MACROD2: variants seen among roughly 807,000 people sequenced by gnomAD.
MACROD2 encodes ADP-ribose glycohydrolase MACROD2.
MACROD2 carries 36 observed loss-of-function variants against 70.4 expected under a neutral mutation model. The observed-to-expected ratio is 0.51, with a 90% CI of 0.39 to 0.68. The LOEUF (loss-of-function observed/expected upper bound fraction) is 0.68. MACROD2 is among the 30% of genes least tolerant of loss of function. The pLI, the probability that MACROD2 is intolerant of heterozygous loss-of-function variation, is 0.00. For missense variants in MACROD2, 496 were observed against 538.4 expected (o/e 0.92, Z 0.78); for synonymous variants, 172 against 178.8 (o/e 0.96, Z 0.30).
intron 5 of MACROD2, among the ~76,000 whole-genome samples, chr20:14,715,842 C>G (rs974118301): frequency 1.3e-5 from 2 of 152,188 alleles, no homozygotes; most frequent in African/African-American, 4.8e-5. Flanking sequence ...AAAGACAATA[C>G]AGCTCCAACT....
rs1012759827 is a variant in MACROD2 at position 14,501,050 on chromosome 20, A to G, written c.301+7542A>G. The stretch of plus-strand genomic sequence containing the variant: ...GATTTCTAAATGAAAAAAAAAAACA[A>G]AAACCCAAACTTCAGAAATGCTTTT... On this transcript the variant is annotated intron_variant, in intron 4 of 17. Transcript: ENST00000684519. 3.3e-5 allele frequency among the ~76,000 whole-genome samples: 5 copies of G among 152,090 alleles called. No individual in the cohort carries two copies. The South Asian group carries it at 6.2e-4, about 19-fold the overall frequency.
chr20:14,293,567 G>A (rs2082403084), intron 3 of MACROD2, among the ~76,000 whole-genome samples: 1 of 151,834 alleles, frequency 6.6e-6, no homozygotes, highest in South Asian at 2.1e-4. Flanking sequence ...GTTGCTAGAT[G>A]TGCGGGCTGG....
intron 9 of MACROD2, among the ~76,000 whole-genome samples, chr20:15,867,644 TAAAAA>T (rs1383332661): frequency 6.6e-6 from 1 of 152,060 alleles, no homozygotes; most frequent in African/African-American, 2.4e-5. Flanking sequence ...CGTAAAAAAT[TAAAAA>T]AAGAAAAGAA....
In MACROD2 at chr20:14,769,475, A is replaced by G. The variant is rs143273849; in HGVS notation, c.418+84516A>G. Among the ~76,000 whole-genome samples, 57 of 152,160 alleles carry G rather than the reference A, an allele frequency of 3.7e-4. 1 individual carries two copies. Among genetic ancestry groups the G allele is most frequent in the Admixed American group, 1.6e-3 (25 of 15,284 alleles). On this transcript the variant is annotated intron_variant, in intron 5 of 17. Coordinates refer to ENST00000684519, the MANE Select transcript of MACROD2 (RefSeq NM_001351661.2). ...TGAGGGGGATGAATTATTTATACAA[A>G]TTTCTCCCTTTAAACCAGAACAATG...
At chr20:14,313,235 G>T (rs1177445313) in intron 3 of MACROD2, among the ~76,000 whole-genome samples, 8 of 152,270 alleles carry the variant, frequency 5.3e-5, no homozygotes, top group African/African-American at 1.7e-4. Context: ...ATCATTAAAG[G>T]ATAGTATAGT....
chr20:14,681,527 T>C (rs2070932436), intron 4 of MACROD2, among the ~76,000 whole-genome samples: 1 of 152,158 alleles, frequency 6.6e-6, no homozygotes. Context: ...TTTGAAGTTA[T>C]ATAGCAGGTA....
chr20:14,384,395 C>T (rs906297066), intron 3 of MACROD2, among the ~76,000 whole-genome samples: 7 of 152,024 alleles, frequency 4.6e-5, no homozygotes, highest in African/African-American at 1.7e-4. Flanking sequence ...ATATTTGGCA[C>T]CAGACATAAT....
chr20:15,817,897 G>T (rs926508603), intron 8 of MACROD2, among the ~76,000 whole-genome samples: 2 of 152,152 alleles, frequency 1.3e-5, no homozygotes, highest in African/African-American at 4.8e-5. Context: ...CTTACTTCTT[G>T]TCATTTTATT....
At chr20:14,204,141 G>A (rs897287003) in intron 3 of MACROD2, among the ~76,000 whole-genome samples, 2 of 152,172 alleles carry the variant, frequency 1.3e-5, no homozygotes, top group Non-Finnish European at 2.9e-5. Flanking sequence ...CACTGGAGGG[G>A]GTGGGGTTGC....
intron 7 of MACROD2, among the ~76,000 whole-genome samples, chr20:15,465,037 C>G (rs2146422125): frequency 1.3e-5 from 2 of 152,060 alleles, no homozygotes; most frequent in East Asian, 1.9e-4. Flanking sequence ...TAGCTTGTAC[C>G]TTTTTCTTTA....
intron 3 of MACROD2, among the ~76,000 whole-genome samples, chr20:14,218,433 G>C (rs1253606951): frequency 6.6e-6 from 1 of 152,212 alleles, no homozygotes; most frequent in East Asian, 1.9e-4. Context: ...GAAGGAAGCA[G>C]ATAGTTGGTT....
At chr20:14,724,813 T>C (rs1335696729) in intron 5 of MACROD2, among the ~76,000 whole-genome samples, 4 of 151,912 alleles carry the variant, frequency 2.6e-5, no homozygotes, top group African/African-American at 9.7e-5. Context: ...GGAGATGGGG[T>C]TTTATTTGAA....
At chr20:14,740,864 G>A (rs1375413244) in intron 5 of MACROD2, among the ~76,000 whole-genome samples, 1 of 152,106 alleles carries the variant, frequency 6.6e-6, no homozygotes. Context: ...GCCCTTTGTG[G>A]GCCCTTCTCC....
At chr20:15,320,819 A>G (rs569416076) in intron 6 of MACROD2, among the ~76,000 whole-genome samples, 1 of 152,280 alleles carries the variant, frequency 6.6e-6, no homozygotes, top group African/African-American at 2.4e-5. Context: ...AGTTGTTATG[A>G]GATGGTACTG....
At chr20:15,546,252 A>T (rs1024105229) in intron 8 of MACROD2, among the ~76,000 whole-genome samples, 1 of 152,226 alleles carries the variant, frequency 6.6e-6, no homozygotes, top group East Asian at 1.9e-4. Context: ...TCTCAAAAAA[A>T]AGAGACTCTG....
At chr20:15,667,750 G>T (rs2049921512) in intron 8 of MACROD2, among the ~76,000 whole-genome samples, 1 of 152,136 alleles carries the variant, frequency 6.6e-6, no homozygotes, top group Admixed American at 6.6e-5. Context: ...ACCAATCATA[G>T]ATTAAGCACT....
intron 5 of MACROD2, among the ~76,000 whole-genome samples, chr20:14,903,511 CAT>C (rs925422362): frequency 1.3e-5 from 2 of 152,020 alleles, no homozygotes; most frequent in African/African-American, 4.8e-5. Flanking sequence ...AATTTGAATA[CAT>C]AATTTAATGT....
chr20:15,789,141 T>A (rs756661249), intron 8 of MACROD2, among the ~76,000 whole-genome samples: 6 of 152,230 alleles, frequency 3.9e-5, no homozygotes, highest in Non-Finnish European at 7.4e-5. Flanking sequence ...CTGGTTTATC[T>A]GCCTTTCTGA....
At chr20:14,747,402 T>C (rs1310484213) in intron 5 of MACROD2, among the ~76,000 whole-genome samples, 1 of 152,098 alleles carries the variant, frequency 6.6e-6, no homozygotes, top group African/African-American at 2.4e-5. Context: ...GTTGTCAGGA[T>C]GTAGTGAGGT....
Sources: allele counts gnomAD v4.1 joint callset (sites outside exome capture counted in the v4.1 genomes callset), GRCh38; gene constraint gnomAD v4.1.1; transcripts MANE v1.5; gene names NCBI Gene and HGNC (gene_info 2026-07-23, HGNC 2026-07-21).